The following STK32B variants were observed in gnomAD, a reference collection of about 807,000 sequenced individuals.
STK32B encodes serine/threonine-protein kinase 32B.
A neutral mutation model predicts 52.6 loss-of-function variants in STK32B; 43 were observed. That is an observed-to-expected ratio of 0.82 (90% CI 0.64 to 1.05). The LOEUF is 1.05. Among genes scored for constraint, STK32B ranks in the 50% least tolerant of loss-of-function variants. The pLI is 0.00. For missense variants in STK32B, 621 were observed against 534.6 expected (o/e 1.16, Z -1.59); for synonymous variants, 238 against 204.3 (o/e 1.17, Z -1.41).
chr4:5,357,692 G>T (rs1734277846), intron 4 of STK32B, among the ~76,000 whole-genome samples: 1 of 124,650 alleles, frequency 8.0e-6, no homozygotes, highest in African/African-American at 3.5e-5. Context: ...CACACATTCT[G>T]ACCTGCTAGT....
rs143292895 is a variant in STK32B, at chr4:5,466,913, C to CA, written c.1041+84dup. ...ATGACTGAGCCAGGCCACTGTTTAG[C>CA]AAAAAGGGGACATTTCAATCCTCCC... On this transcript the variant is annotated intron_variant, in intron 10 of 11. Transcript: ENST00000282908. 2.3e-3 allele frequency: 3,423 copies of CA among 1,496,958 alleles called. 73 individuals carry two copies. The African/African-American group carries it at 0.044, about 19-fold the overall frequency. The allele number at this position is 1,496,958 out of a possible 1,614,324, so 92.7% of individuals were successfully genotyped here. A position where few individuals can be genotyped will look rare whatever the true frequency, so the allele number is the denominator to read the frequency against.
intron 1 of STK32B, among the ~76,000 whole-genome samples, chr4:5,129,415 A>G (rs1321392564): frequency 1.3e-5 from 2 of 152,190 alleles, no homozygotes; most frequent in Admixed American, 6.5e-5. Context: ...ACACATCACT[A>G]GAGGTTTTGT....
chr4:5,233,289 A>T (rs896227712), intron 3 of STK32B, among the ~76,000 whole-genome samples: 27 of 152,294 alleles, frequency 1.8e-4, no homozygotes, highest in Middle Eastern at 3.4e-3. Flanking sequence ...GGGTTAACCT[A>T]GAGGATGTCA....
intron 4 of STK32B, among the ~76,000 whole-genome samples, chr4:5,370,600 G>T (rs1735162957): frequency 6.6e-6 from 1 of 152,148 alleles, no homozygotes; most frequent in Non-Finnish European, 1.5e-5. Flanking sequence ...GGACTTCACT[G>T]CCACAGAACG....
rs201428255 is a variant in STK32B at position 5,272,902 on chromosome 4, A to G, written c.261-58318A>G. On this transcript the variant is annotated intron_variant, in intron 3 of 11. Transcript: ENST00000282908. ...CCATAAAAACCCTAGAAGAAAACCTAGGCATTACCATTCAGGACATAGGCA... is the reference window on the plus strand; with the variant it reads ...CCATAAAAACCCTAGAAGAAAACCTGGGCATTACCATTCAGGACATAGGCA... Among the ~76,000 whole-genome samples, 459 of 145,956 alleles carry G rather than the reference A, an allele frequency of 3.1e-3. 5 individuals are homozygous for G. The East Asian group carries it at 0.062, about 20-fold the overall frequency.
At position 5,395,417 on chromosome 4, in the gene STK32B, C is replaced by CT. The variant is rs1362750735; in HGVS notation, c.435-2788dup. 6.6e-6 allele frequency among the ~76,000 whole-genome samples: 1 copy of CT among 152,214 alleles called. No homozygotes were observed. The highest frequency in any genetic ancestry group is 1.5e-5 in the Non-Finnish European group (1 of 68,040). On this transcript the variant is annotated intron_variant, in intron 4 of 11. Transcript: ENST00000282908. The surrounding 1 kb of genome is among the most constrained non-coding windows in gnomAD (Gnocchi z 4.4). ...CTACATGATGCACAGCTGGCCTTTT[C>CT]TTGCTATTCAGATGTCAACCCAATG...
chr4:5,067,911 G>T (rs1019551644), intron 1 of STK32B, among the ~76,000 whole-genome samples: 2 of 152,152 alleles, frequency 1.3e-5, no homozygotes, highest in South Asian at 4.2e-4. Flanking sequence ...TAAACAACCA[G>T]ATCTCATGAG....
chr4:5,072,658 T>C (rs1034272523), intron 1 of STK32B, among the ~76,000 whole-genome samples: 3 of 152,202 alleles, frequency 2.0e-5, no homozygotes, highest in African/African-American at 7.2e-5. Flanking sequence ...ACTCAGCATT[T>C]GATCTACCTT....
rs145746651 is a variant in STK32B, at chr4:5,389,326, A to G, written c.435-8881A>G. Among the ~76,000 whole-genome samples the G allele has an allele frequency of 8.1e-3, 1,236 of 152,320 alleles. 6 individuals are homozygous for G. Among genetic ancestry groups the G allele is most frequent in the Middle Eastern group, 0.017 (5 of 294 alleles). ...CTAAAGCTGCCATACAAAATACCAC[A>G]GGCTGGGCAGCTTAAACAACAGAAA... On this transcript the variant is annotated intron_variant, in intron 4 of 11. Coordinates refer to ENST00000282908, the MANE Select transcript of STK32B (RefSeq NM_018401.3).
intron 11 of STK32B, among the ~76,000 whole-genome samples, chr4:5,481,138 G>C (rs566434625): frequency 6.6e-6 from 1 of 152,262 alleles, no homozygotes; most frequent in Non-Finnish European, 1.5e-5. Context: ...TCTAGTTCTA[G>C]ATCCCTGAGG....
At chr4:5,239,129 GC>G (rs1724826785) in intron 3 of STK32B, among the ~76,000 whole-genome samples, 1 of 152,172 alleles carries the variant, frequency 6.6e-6, no homozygotes, top group South Asian at 2.1e-4. Context: ...CGTAGTGAAG[GC>G]TGGTGTTACC....
chr4:5,355,746 C>T (rs1160247093), intron 4 of STK32B, among the ~76,000 whole-genome samples: 1 of 152,140 alleles, frequency 6.6e-6, no homozygotes, highest in Non-Finnish European at 1.5e-5. Flanking sequence ...AGTGATATCA[C>T]CCCTGGAGGA....
intron 3 of STK32B, among the ~76,000 whole-genome samples, chr4:5,315,861 C>T (rs35707657): frequency 0.12 from 17,603 of 150,480 alleles, 2,596 homozygotes; most frequent in African/African-American, 0.35. Flanking sequence ...CATGCCACCA[C>T]GCCCAGCTAA....
chr4:5,350,292 G>A (rs1733743867), intron 4 of STK32B, among the ~76,000 whole-genome samples: 1 of 152,104 alleles, frequency 6.6e-6, no homozygotes, highest in South Asian at 2.1e-4. Context: ...AAAACTGCAA[G>A]TCAAGGATGC....
chr4:5,328,629 C>CATTTATCA (rs1277734065), intron 3 of STK32B, among the ~76,000 whole-genome samples: 1 of 152,094 alleles, frequency 6.6e-6, no homozygotes, highest in Non-Finnish European at 1.5e-5. Context: ...CATCAAAGAC[C>CATTTATCA]ATTTATCATA....
At chr4:5,435,622 A>G (rs887650020) in intron 6 of STK32B, 1 of 152,256 alleles carries the variant, frequency 6.6e-6, no homozygotes, top group African/African-American at 2.4e-5. Context: ...CAAGGGCAAT[A>G]GAAGTGTTTG....
intron 5 of STK32B, among the ~76,000 whole-genome samples, chr4:5,405,779 C>T (rs1737620704): frequency 6.6e-6 from 1 of 152,110 alleles, no homozygotes; most frequent in Admixed American, 6.5e-5. Context: ...CCTTAGGATC[C>T]AATCACCTCC....
chr4:5,185,319 G>T (rs1368301585), intron 3 of STK32B, among the ~76,000 whole-genome samples: 1 of 152,144 alleles, frequency 6.6e-6, no homozygotes, highest in Non-Finnish European at 1.5e-5. Flanking sequence ...GATGTCAGAA[G>T]TTAGTTTAAA....
intron 3 of STK32B, among the ~76,000 whole-genome samples, chr4:5,263,227 G>A (rs1726843242): frequency 6.6e-6 from 1 of 152,292 alleles, no homozygotes; most frequent in Admixed American, 6.5e-5. Context: ...GTGTATCAAT[G>A]CAGTCCCATA....
Sources: gnomAD v4.1 joint callset for allele counts (sites outside exome capture counted in the v4.1 genomes callset) on GRCh38, gnomAD v4.1.1 for gene constraint, Gnocchi (gnomAD v3.1) non-coding constraint, MANE v1.5 for transcripts, NCBI Gene and HGNC (gene_info 2026-07-23, HGNC 2026-07-21) for gene names.